HPSE: variants seen among roughly 807,000 people sequenced by gnomAD.
The protein encoded by HPSE is heparanase.
A neutral mutation model predicts 65.1 loss-of-function variants in HPSE; 48 were observed. The ratio of observed to expected loss-of-function variants is 0.74; its 90% CI spans 0.58 to 0.94. HPSE has a LOEUF of 0.94. Among genes scored for constraint, HPSE ranks in the 40% least tolerant of loss-of-function variants. HPSE has a pLI of 0.00. For missense variants in HPSE, 644 were observed against 637.5 expected, an observed-to-expected ratio of 1.01 and a Z score of -0.11; for synonymous variants, 243 against 260.0, an observed-to-expected ratio of 0.93 and a Z score of 0.63.
Position 83,303,115 on chromosome 4 carries a change from C to A in HPSE, c.1207-847G>T, listed in dbSNP as rs1224501473. On this transcript the variant is annotated intron_variant, in intron 9 of 11. Coordinates refer to ENST00000311412, the MANE Select transcript of HPSE (RefSeq NM_001098540.3). ...GACACAACCAGACATTCTGTGCTTC[C>A]AGAAGCAGATAATAAAGAATTCTTG... is the stretch of plus-strand genomic sequence containing the variant. 6.7e-5 allele frequency among the ~76,000 whole-genome samples: 10 copies of A among 150,100 alleles called. No individual in the cohort carries two copies. In the Admixed American group the frequency reaches 6.8e-4, roughly 10 times the overall value.
intron 1 of HPSE, among the ~76,000 whole-genome samples, chr4:83,332,694 G>T (rs763958446): frequency 6.6e-6 from 1 of 152,212 alleles, no homozygotes; most frequent in Non-Finnish European, 1.5e-5. Flanking sequence ...ACGTGTTAGG[G>T]GGGTGTTAGT....
In HPSE at chr4:83,302,373, CTG is replaced by C. The variant is rs762972132; in HGVS notation, c.1207-107_1207-106del. 2.5e-4 allele frequency: 177 copies of C among 698,872 alleles called. 2 individuals carry two copies. In the Middle Eastern group the frequency reaches 4.1e-3, roughly 16 times the overall value. 43.3% of individuals were successfully genotyped at this position (698,872 alleles called of 1,614,324 possible). On this transcript the variant is annotated intron_variant, in intron 9 of 11. Coordinates refer to ENST00000311412, the MANE Select transcript of HPSE (RefSeq NM_001098540.3). ...AATAGTTATCCTACAAAGAGTATCA[CTG>C]TTATCCTGGGGGCATTTAAATAGGA...
At chr4:83,333,128 A>G (rs896020861) in intron 1 of HPSE, among the ~76,000 whole-genome samples, 2 of 152,320 alleles carry the variant, frequency 1.3e-5, no homozygotes, top group Middle Eastern at 6.8e-3. Context: ...GAGGTTAACT[A>G]TGATCCAAAG....
intron 1 of HPSE, among the ~76,000 whole-genome samples, chr4:83,329,197 C>T (rs1471695911): frequency 6.6e-6 from 1 of 152,036 alleles, no homozygotes. Context: ...TCCCTCCTCC[C>T]GCAAGAGCTC....
intron 10 of HPSE, 96 bp downstream of exon 10, chr4:83,302,054 T>G: frequency 1.5e-6 from 1 of 677,254 alleles, no homozygotes; most frequent in Non-Finnish European, 2.6e-6. Flanking sequence ...CCTATACTTA[T>G]GCAATGTATA....
At chr4:83,317,657 A>T (rs190262402) in intron 3 of HPSE, among the ~76,000 whole-genome samples, 4 of 152,314 alleles carry the variant, frequency 2.6e-5, no homozygotes, top group African/African-American at 9.6e-5. Flanking sequence ...AAGATCCTGT[A>T]AAGTAGTAAA....
intron 9 of HPSE, among the ~76,000 whole-genome samples, 192 bp from the exon 10 acceptor site, chr4:83,302,460 G>T (rs574374406): frequency 6.8e-6 from 1 of 147,664 alleles, no homozygotes; most frequent in African/African-American, 2.5e-5. Flanking sequence ...GAGCAGTATC[G>T]TGCTTGCTGC....
intron 1 of HPSE, among the ~76,000 whole-genome samples, chr4:83,325,098 AC>A (rs1737091197): frequency 6.6e-6 from 1 of 151,358 alleles, no homozygotes; most frequent in Non-Finnish European, 1.5e-5. Flanking sequence ...GTGTTCCATA[AC>A]AAGCACGTTA....
At chr4:83,325,686 C>T (rs1392479482) in intron 1 of HPSE, among the ~76,000 whole-genome samples, 1 of 152,126 alleles carries the variant, frequency 6.6e-6, no homozygotes, top group East Asian at 1.9e-4. Context: ...TTTAAAAATG[C>T]TATGGAAACA....
chr4:83,332,228 C>T (rs1034672419), intron 1 of HPSE, among the ~76,000 whole-genome samples: 2 of 152,240 alleles, frequency 1.3e-5, no homozygotes, highest in African/African-American at 4.8e-5. Flanking sequence ...TACTGTGGAC[C>T]CCTACAAAGC....
intron 1 of HPSE, among the ~76,000 whole-genome samples, chr4:83,325,530 T>C (rs1307830221): frequency 1.3e-5 from 2 of 152,204 alleles, no homozygotes; most frequent in Non-Finnish European, 2.9e-5. Flanking sequence ...CATCTGTTAA[T>C]TTATTCAACA....
At chr4:83,333,021 T>C (rs1301536244) in intron 1 of HPSE, among the ~76,000 whole-genome samples, 1 of 148,346 alleles carries the variant, frequency 6.7e-6, no homozygotes, top group African/African-American at 2.5e-5. Context: ...ATCCCCCAAC[T>C]AGTTGCTGCC....
chr4:83,332,800 C>T (rs929177696), intron 1 of HPSE, among the ~76,000 whole-genome samples: 3 of 152,192 alleles, frequency 2.0e-5, no homozygotes, highest in African/African-American at 7.2e-5. Context: ...CAGGGGGGAA[C>T]CCCCATCTGT....
intron 11 of HPSE, among the ~76,000 whole-genome samples, chr4:83,299,848 G>A (rs1735874570): frequency 6.6e-6 from 1 of 151,978 alleles, no homozygotes; most frequent in African/African-American, 2.4e-5. Context: ...GGGACTACAG[G>A]CATGCACCAC....
At chr4:83,310,150 A>T in intron 5 of HPSE, 72 bp from the exon 6 acceptor site, 1 of 1,030,354 alleles carries the variant, frequency 9.7e-7, no homozygotes, top group Non-Finnish European at 1.5e-6. Flanking sequence ...TGAGAGTTTT[A>T]TTCCCTAGAA....
At chr4:83,318,184 T>C (rs947979981) in intron 3 of HPSE, among the ~76,000 whole-genome samples, 3 of 152,224 alleles carry the variant, frequency 2.0e-5, no homozygotes, top group African/African-American at 7.2e-5. Flanking sequence ...AAACAAAGTA[T>C]AGTAACTTCA....
Position 83,313,233 on chromosome 4 carries a change from A to G in HPSE, c.554T>C (p.Ile185Thr). 1 of 1,614,034 alleles carries G rather than the reference A, an allele frequency of 6.2e-7. No individual in the cohort carries two copies. The highest frequency in any genetic ancestry group is 8.5e-7 in the Non-Finnish European group (1 of 1,179,968). Residue 185 changes from isoleucine to threonine, a missense_variant, in exon 4 of 12, where the codon ATC (isoleucine) becomes ACC (threonine). Coordinates refer to ENST00000311412, the MANE Select transcript of HPSE (RefSeq NM_001098540.3). The part of the protein sequence containing the change: ...TFANCSGLDL[I>T]FGLNALLRTA... Reference sequence around the variant, plus strand: ...TCTTAATAACGCATTTAGGCCAAAGATCAAGTCCAGTCCTGAGCAGTTTGC... The same window carrying G: ...TCTTAATAACGCATTTAGGCCAAAGGTCAAGTCCAGTCCTGAGCAGTTTGC...
intron 3 of HPSE, among the ~76,000 whole-genome samples, chr4:83,313,535 G>A (rs1385872917): frequency 6.6e-6 from 1 of 152,136 alleles, no homozygotes; most frequent in African/African-American, 2.4e-5. Context: ...CTGACACTTA[G>A]GTTTTGTTCA....
chr4:83,322,132 G>A, intron 2 of HPSE, 87 bp downstream of exon 2: 1 of 1,099,878 alleles, frequency 9.1e-7, no homozygotes, highest in Non-Finnish European at 1.3e-6. Context: ...TTAATTGTTA[G>A]GTGTGAGAAA....
Sources: gnomAD v4.1 joint callset for allele counts (sites outside exome capture counted in the v4.1 genomes callset) on GRCh38, gnomAD v4.1.1 for gene constraint, MANE v1.5 for transcripts, NCBI Gene and HGNC (gene_info 2026-07-23, HGNC 2026-07-21) for gene names.